RSL1D1: variants seen among roughly 807,000 people sequenced by gnomAD.
RSL1D1 encodes ribosomal L1 domain containing 1.
In RSL1D1, 34 loss-of-function variants were observed where a neutral mutation model predicts 44.6. The observed-to-expected ratio is 0.76, with a 90% confidence interval of 0.58 to 1.02. RSL1D1 has a LOEUF of 1.02. RSL1D1 is among the 50% of genes least tolerant of loss of function. The probability of loss-of-function intolerance (pLI) is 0.00; values close to 1 mark genes in which losing one functional copy is unlikely to be tolerated. For missense variants in RSL1D1, 767 were observed against 568.1 expected, an observed-to-expected ratio of 1.35 and a Z score of -3.56; for synonymous variants, 271 against 207.4, an observed-to-expected ratio of 1.31 and a Z score of -2.63.
At chr16:11,841,148 G>A (rs1348818958) in intron 7 of RSL1D1, among the ~76,000 whole-genome samples, 2 of 152,172 alleles carry the variant, frequency 1.3e-5, no homozygotes, top group Non-Finnish European at 2.9e-5. Flanking sequence ...AGTAGCTCAT[G>A]CCTGTAATCC....
chr16:11,848,796 A>G (rs571248111), intron 2 of RSL1D1, among the ~76,000 whole-genome samples: 400 of 140,146 alleles, frequency 2.9e-3, no homozygotes, highest in Admixed American at 4.5e-3. Context: ...CTCAGCCAAC[A>G]TAACTTTTTT....
At chr16:11,850,215 T>C (rs2053827439) in intron 2 of RSL1D1, 64 bp downstream of exon 2, 2 of 1,442,334 alleles carry the variant, frequency 1.4e-6, no homozygotes, top group Admixed American at 2.6e-5. Context: ...CATGATGCAA[T>C]TGTTCGAGTT....
Position 11,839,910 on chromosome 16 carries a change from T to C in RSL1D1, c.931A>G (p.Lys311Glu). 1 of 1,614,068 alleles carries C rather than the reference T, an allele frequency of 6.2e-7. No homozygotes were observed. The highest frequency in any genetic ancestry group is 1.1e-5 in the South Asian group (1 of 91,080). The change falls in exon 8 of 9, where the codon AAG becomes GAG. Residue 311 changes from lysine to glutamate, a missense_variant. Coordinates refer to ENST00000571133, the MANE Select transcript of RSL1D1 (RefSeq NM_015659.3). Reference protein sequence around the residue: ...ERKKKRQQARKTASVLSKDDV... With the variant: ...ERKKKRQQARETASVLSKDDV... ...TCTTTACTAAGAACTGATGCAGTCTTCCTAGCCTGCTGCCTCTTCTTCTTC... is the reference window on the plus strand; with the variant it reads ...TCTTTACTAAGAACTGATGCAGTCTCCCTAGCCTGCTGCCTCTTCTTCTTC...
intron 1 of RSL1D1, 138 bp downstream of exon 1, chr16:11,851,270 C>T (rs1222691745): frequency 1.3e-6 from 1 of 798,948 alleles, no homozygotes; most frequent in Non-Finnish European, 2.2e-6. Context: ...GGAGAGACAG[C>T]TGAGGCACAC....
At chr16:11,842,934 T>C (rs1026810893) in intron 5 of RSL1D1, among the ~76,000 whole-genome samples, 3 of 149,862 alleles carry the variant, frequency 2.0e-5, no homozygotes, top group African/African-American at 4.9e-5. Context: ...TTTTTTTTTT[T>C]TTTTTTGAGA....
Position 11,841,607 on chromosome 16 carries a change from C to T in RSL1D1, c.855+88G>A, listed in dbSNP as rs982887749. On this transcript the variant is annotated intron_variant, in intron 7 of 8. Transcript: ENST00000571133. ...CAAAACCAGAAGATAACTGAAAAGT[C>T]GGGCAGCGATGATGGTCTACTTCTC... is the stretch of plus-strand genomic sequence containing the variant. The T allele has an allele frequency of 2.1e-5, 26 of 1,218,650 alleles. No homozygotes were observed. The South Asian group carries it at 2.2e-4, about 10-fold the overall frequency. 75.5% of individuals were successfully genotyped at this position (1,218,650 alleles called of 1,614,324 possible).
At chr16:11,849,901 G>A (rs1458289362) in intron 2 of RSL1D1, among the ~76,000 whole-genome samples, 3 of 151,814 alleles carry the variant, frequency 2.0e-5, no homozygotes, top group Non-Finnish European at 2.9e-5. Flanking sequence ...GCCTAGGCTG[G>A]AGTGCAATGG....
At position 11,839,730 on chromosome 16, in the gene RSL1D1, T is replaced by C; in HGVS notation, c.1111A>G (p.Ile371Val). ...TCATTAGCTGGAGTCTTCTTTCCTA[T>C]TGGTACCAGCTGTGGGATTTCGTCT... is the stretch of plus-strand genomic sequence containing the variant. ...SEDEIPQLVP[I>V]GKKTPANEKV... is the part of the protein sequence containing the mutation. Residue 371 changes from isoleucine (I) to valine (V), a missense_variant, in exon 8 of 9, where the codon ATA becomes GTA. Coordinates refer to ENST00000571133, the MANE Select transcript of RSL1D1 (RefSeq NM_015659.3). 1 of 1,614,074 alleles carries C rather than the reference T, an allele frequency of 6.2e-7. No individual in the cohort carries two copies.
chr16:11,851,092 G>C, intron 1 of RSL1D1: 1 of 421,560 alleles, frequency 2.4e-6, no homozygotes, highest in Non-Finnish European at 4.5e-6. Context: ...TTAAATAACG[G>C]GTAACAGACC....
rs559759956 is a variant in RSL1D1 at position 11,851,286 on chromosome 16, G to A, written c.105+122C>T. On this transcript the variant is annotated intron_variant, in intron 1 of 8. Transcript: ENST00000571133. ...GAGAGACAGCTGAGGCACACGGCCC[G>A]CCAGCGACCGTCCCACAGCCCCGGG... is the stretch of plus-strand genomic sequence containing the variant. The A allele has an allele frequency of 7.3e-4, 679 of 926,726 alleles. 1 individual carries two copies. Among genetic ancestry groups the A allele is most frequent in the Non-Finnish European group, 1.0e-3 (597 of 569,100 alleles). 57.4% of individuals were successfully genotyped at this position (926,726 alleles called of 1,614,324 possible). A position where few individuals can be genotyped will look rare whatever the true frequency, so the allele number is the denominator to read the frequency against.
intron 3 of RSL1D1, 115 bp from the exon 4 acceptor site, chr16:11,846,958 T>C (rs1050544571): frequency 6.7e-6 from 6 of 900,170 alleles, no homozygotes; most frequent in African/African-American, 5.0e-5. Flanking sequence ...CATGCCTCTA[T>C]ACTTTAATGA....
rs777581141 is a variant in RSL1D1 at position 11,850,369 on chromosome 16, T to C, written c.155A>G (p.Asn52Ser). The C allele has an allele frequency of 4.4e-6, 7 of 1,600,596 alleles. No homozygotes were observed. Among genetic ancestry groups the C allele is most frequent in the African/African-American group, 1.3e-5 (1 of 74,086 alleles). Reference protein sequence around the residue: ...ALLTHCKSRKNNYGLLLNENE... With the variant: ...ALLTHCKSRKSNYGLLLNENE... ...CTCATTCAAAAGCAACCCATAATTG[T>C]TTTTCCTGGACTTGCAATGCGTCAA... The change falls in exon 2 of 9, where the codon AAC becomes AGC. Residue 52 changes from asparagine (N) to serine (S), a missense_variant. Coordinates refer to ENST00000571133, the MANE Select transcript of RSL1D1 (RefSeq NM_015659.3).
At chr16:11,851,093 G>T in intron 1 of RSL1D1, 2 of 423,840 alleles carry the variant, frequency 4.7e-6, no homozygotes, top group East Asian at 1.0e-4. Context: ...TAAATAACGG[G>T]TAACAGACCT....
In RSL1D1 at chr16:11,837,576, CG is replaced by C. The variant is rs1414680434; in HGVS notation, c.*210del. On this transcript the variant is annotated 3_prime_UTR_variant, in exon 9 of 9. Transcript: ENST00000571133. The stretch of plus-strand genomic sequence containing the variant: ...ATGTTGGCCAGGATGGTCTCGATCT[CG>C]TTGACCTTGTGATCCGCCTGCCTCG... 4.0e-6 allele frequency: 2 copies of C among 505,680 alleles called. No individual in the cohort carries two copies. Among genetic ancestry groups the C allele is most frequent in the Admixed American group, 3.7e-5 (1 of 27,048 alleles). The allele number at this position is 505,680 out of a possible 1,614,324, so 31.3% of individuals were successfully genotyped here. A position where few individuals can be genotyped will look rare whatever the true frequency, so the allele number is the denominator to read the frequency against.
chr16:11,841,915 ATTT>A lies in RSL1D1; in HGVS notation c.718_720del (p.Lys240del), dbSNP rs1277885456. ...CACCTGTAATACTGTACCTCTGGCA[ATTT>A]TTCTGAAAGTCCTTTGGTGACAGCA... is the stretch of plus-strand genomic sequence containing the variant. On this transcript the variant is annotated inframe_deletion, in exon 6 of 9. Coordinates refer to ENST00000571133, the MANE Select transcript of RSL1D1 (RefSeq NM_015659.3). 6.2e-7 allele frequency: 1 copy of A among 1,613,236 alleles called. No individual in the cohort carries two copies. Among genetic ancestry groups the A allele is most frequent in the East Asian group, 2.2e-5 (1 of 44,878 alleles).
At chr16:11,838,662 G>A (rs918011439) in intron 8 of RSL1D1, among the ~76,000 whole-genome samples, 14 of 151,400 alleles carry the variant, frequency 9.2e-5, no homozygotes, top group Admixed American at 3.3e-4. Flanking sequence ...TTCAAGAGTA[G>A]CCTGGCCAAC....
chr16:11,841,108 C>T (rs995965068), intron 7 of RSL1D1, among the ~76,000 whole-genome samples: 14 of 152,160 alleles, frequency 9.2e-5, no homozygotes, highest in Admixed American at 9.2e-4. Context: ...CTCAGGCCCC[C>T]TCAAAAGCCA....
rs1355223901 is a variant in RSL1D1, at chr16:11,834,890, G to A, written c.*2897C>T. 6.6e-6 allele frequency: 1 copy of A among 152,168 alleles called. No homozygotes were observed. The highest frequency in any genetic ancestry group is 1.9e-4 in the East Asian group (1 of 5,190). 9.4% of individuals were successfully genotyped at this position (152,168 alleles called of 1,614,324 possible). A position where few individuals can be genotyped will look rare whatever the true frequency, so the allele number is the denominator to read the frequency against. ...ACATTTTGGGAGGCTGAGGCAGGAG[G>A]ACTTGAGCCCAGGAGTTCGAGCCCA... On this transcript the variant is annotated 3_prime_UTR_variant, in exon 9 of 9. Transcript: ENST00000571133.
chr16:11,851,105 C>CA, intron 1 of RSL1D1: 1 of 447,742 alleles, frequency 2.2e-6, no homozygotes, highest in East Asian at 4.6e-5. Flanking sequence ...AACAGACCTG[C>CA]AAAACTAAGC....
Sources: allele counts gnomAD v4.1 joint callset (sites outside exome capture counted in the v4.1 genomes callset), GRCh38; gene constraint gnomAD v4.1.1; transcripts MANE v1.5; gene names NCBI Gene and HGNC (gene_info 2026-07-23, HGNC 2026-07-21).